FIG4: variants seen among roughly 807,000 people sequenced by gnomAD.
FIG4 encodes polyphosphoinositide phosphatase.
FIG4 carries 112 observed loss-of-function variants against 118.6 expected under a neutral mutation model. That is an observed-to-expected ratio of 0.94 (90% CI 0.81 to 1.11). The LOEUF (loss-of-function observed/expected upper bound fraction) is 1.11, where lower values mean the gene tolerates loss of function less well. Ranked by LOEUF, FIG4 falls within the 50% of genes least tolerant of loss-of-function variation. FIG4 has a pLI of 0.00. For missense variants in FIG4, 969 were observed against 1,111.7 expected, an observed-to-expected ratio of 0.87 and a Z score of 1.83; for synonymous variants, 369 against 381.2, an observed-to-expected ratio of 0.97 and a Z score of 0.37.
chr6:109,759,174 T>A (rs1324392177), intron 10 of FIG4, among the ~76,000 whole-genome samples: 1 of 152,134 alleles, frequency 6.6e-6, no homozygotes. Flanking sequence ...CTATTCACAA[T>A]AGCAAAGACT....
chr6:109,808,685 T>C (rs1306849431), intron 22 of FIG4, among the ~76,000 whole-genome samples: 2 of 152,198 alleles, frequency 1.3e-5, no homozygotes, highest in African/African-American at 2.4e-5. Flanking sequence ...TCTTTGGGCT[T>C]GGATATTTGA....
intron 7 of FIG4, among the ~76,000 whole-genome samples, chr6:109,739,978 T>C (rs1468061276): frequency 6.6e-6 from 1 of 152,192 alleles, no homozygotes; most frequent in Non-Finnish European, 1.5e-5. Context: ...GTGAGATTTA[T>C]GTGCTACACT....
intron 22 of FIG4, among the ~76,000 whole-genome samples, chr6:109,809,513 A>G (rs554866587): frequency 2.0e-5 from 3 of 152,328 alleles, no homozygotes; most frequent in Admixed American, 1.3e-4. Context: ...AATGCTTTTA[A>G]GAGTGTGAAG....
intron 22 of FIG4, among the ~76,000 whole-genome samples, chr6:109,812,773 G>A (rs1778756032): frequency 6.6e-6 from 1 of 152,130 alleles, no homozygotes; most frequent in Non-Finnish European, 1.5e-5. Context: ...TTACTATAAA[G>A]GGGTGCAGAG....
chr6:109,824,427 C>G (rs1779100078), intron 22 of FIG4, among the ~76,000 whole-genome samples: 1 of 152,152 alleles, frequency 6.6e-6, no homozygotes, highest in South Asian at 2.1e-4. Flanking sequence ...TTATTGTCAG[C>G]TCATTAGGAT....
At chr6:109,716,356 T>C in intron 2 of FIG4, 89 bp from the exon 3 acceptor site, 1 of 1,342,996 alleles carries the variant, frequency 7.4e-7, no homozygotes, top group Middle Eastern at 1.8e-4. Context: ...CTGATGATGC[T>C]TGTAGGTAAC....
intron 1 of FIG4, among the ~76,000 whole-genome samples, chr6:109,710,843 A>G (rs1775235237): frequency 6.7e-6 from 1 of 149,476 alleles, no homozygotes; most frequent in African/African-American, 2.5e-5. Context: ...GTTGCTTCTG[A>G]TTGTGTTTGT....
chr6:109,750,166 C>A (rs934009789), intron 10 of FIG4, among the ~76,000 whole-genome samples: 69 of 152,322 alleles, frequency 4.5e-4, no homozygotes, highest in African/African-American at 1.6e-3. Flanking sequence ...TTGCGAACTT[C>A]TTCCCAGTTG....
chr6:109,721,091 A>T (rs1428725360), intron 3 of FIG4, among the ~76,000 whole-genome samples: 1 of 152,126 alleles, frequency 6.6e-6, no homozygotes, highest in Non-Finnish European at 1.5e-5. Context: ...CTAAGCCTCT[A>T]GTATGTTGAA....
At chr6:109,704,770 A>G (rs1775013754) in intron 1 of FIG4, among the ~76,000 whole-genome samples, 1 of 152,124 alleles carries the variant, frequency 6.6e-6, no homozygotes, top group South Asian at 2.1e-4. Context: ...AAAGATTTAA[A>G]AAGATGTAAC....
chr6:109,729,886 G>C (rs971417520), intron 4 of FIG4, among the ~76,000 whole-genome samples: 2 of 151,714 alleles, frequency 1.3e-5, no homozygotes, highest in Non-Finnish European at 2.9e-5. Context: ...AAATGTATAA[G>C]GTACCTGCCA....
At chr6:109,698,078 C>T (rs1024563595) in intron 1 of FIG4, among the ~76,000 whole-genome samples, 2 of 151,828 alleles carry the variant, frequency 1.3e-5, no homozygotes, top group African/African-American at 2.4e-5. Context: ...TTAGTAGAGA[C>T]GGGGTTTCAC....
chr6:109,771,732 A>G (rs1202486280), intron 15 of FIG4, among the ~76,000 whole-genome samples: 2 of 152,024 alleles, frequency 1.3e-5, no homozygotes, highest in Non-Finnish European at 2.9e-5. Context: ...TTCTGCACCC[A>G]TAGTTTCTAC....
rs199801181 is a variant in FIG4 at position 109,789,649 on chromosome 6, C to T, written c.2152C>T (p.Pro718Ser). The T allele has an allele frequency of 1.2e-6, 2 of 1,613,166 alleles. No homozygotes were observed. Among genetic ancestry groups the T allele is most frequent in the East Asian group, 4.5e-5 (2 of 44,774 alleles). The stretch of plus-strand genomic sequence containing the variant: ...TCCAAGTCCATTTACTGTGCGTAAA[C>T]CAGATGAAACTGGAAAATCAGTATT... The part of the protein sequence containing the change: ...IDPSPFTVRK[P>S]DETGKSVLGN... The change falls in exon 19 of 23, where the codon CCA becomes TCA. Residue 718 changes from proline (P) to serine (S), a missense_variant. Transcript: ENST00000230124.
chr6:109,738,288 G>A (rs746629752), intron 6 of FIG4, 37 bp from the exon 7 acceptor site: 37 of 1,532,816 alleles, frequency 2.4e-5, no homozygotes, highest in Middle Eastern at 1.7e-4. Context: ...AAAATATTTT[G>A]TGTATTTATG....
intron 1 of FIG4, among the ~76,000 whole-genome samples, chr6:109,698,572 C>T (rs1774807218): frequency 6.6e-6 from 1 of 152,172 alleles, no homozygotes; most frequent in African/African-American, 2.4e-5. Context: ...ACATTCTTGT[C>T]TTGTTTTTTA....
intron 10 of FIG4, among the ~76,000 whole-genome samples, chr6:109,744,443 C>G (rs73523039): frequency 6.6e-6 from 1 of 151,872 alleles, no homozygotes; most frequent in Non-Finnish European, 1.5e-5. Context: ...TTGAAAGACT[C>G]TCAGTCAGAA....
intron 22 of FIG4, among the ~76,000 whole-genome samples, chr6:109,805,296 G>T (rs1342293004): frequency 6.6e-6 from 1 of 152,160 alleles, no homozygotes; most frequent in Non-Finnish European, 1.5e-5. Context: ...ATTAGCTCTT[G>T]AAGTCCCTTG....
chr6:109,743,833 A>G (rs1776401377), intron 10 of FIG4, 61 bp downstream of exon 10: 1 of 1,167,552 alleles, frequency 8.6e-7, no homozygotes, highest in Non-Finnish European at 1.3e-6. Flanking sequence ...CTCTTCCTCA[A>G]CACAGAGGGG....
Sources: allele counts gnomAD v4.1 joint callset (sites outside exome capture counted in the v4.1 genomes callset), GRCh38; gene constraint gnomAD v4.1.1; transcripts MANE v1.5; gene names NCBI Gene and HGNC (gene_info 2026-07-23, HGNC 2026-07-21).